The following SMIM31 variants were observed in gnomAD, a reference collection of about 807,000 sequenced individuals.
SMIM31 encodes the protein small integral membrane protein 31.
At chr4:164,796,281 G>T (rs1733194218) in intron 2 of SMIM31, among the ~76,000 whole-genome samples, 1 of 152,138 alleles carries the variant, frequency 6.6e-6, no homozygotes, top group South Asian at 2.1e-4. Flanking sequence ...TGCCGAAAAT[G>T]TTACTGCGGT....
chr4:164,767,559 C>T (rs1288525886), intron 1 of SMIM31, among the ~76,000 whole-genome samples: 3 of 152,204 alleles, frequency 2.0e-5, no homozygotes, highest in Non-Finnish European at 2.9e-5. Flanking sequence ...TACAGATACA[C>T]AACCCAGGAA....
At chr4:164,757,765 C>T (rs1206261420) in intron 1 of SMIM31, among the ~76,000 whole-genome samples, 1 of 152,024 alleles carries the variant, frequency 6.6e-6, no homozygotes, top group African/African-American at 2.4e-5. Flanking sequence ...TTATTTAGTG[C>T]TACTAATCTA....
chr4:164,773,420 C>T (rs1373615242), intron 2 of SMIM31, among the ~76,000 whole-genome samples: 1 of 152,196 alleles, frequency 6.6e-6, no homozygotes, highest in African/African-American at 2.4e-5. Flanking sequence ...CACAGTTCAG[C>T]ATGGCTGGGG....
At chr4:164,765,955 G>A (rs975527252) in intron 1 of SMIM31, among the ~76,000 whole-genome samples, 4 of 152,136 alleles carry the variant, frequency 2.6e-5, no homozygotes, top group Non-Finnish European at 4.4e-5. Flanking sequence ...ATCTACAATA[G>A]GAAGGAGACT....
intron 1 of SMIM31, among the ~76,000 whole-genome samples, chr4:164,768,822 A>C (rs1436333147): frequency 6.6e-6 from 1 of 152,202 alleles, no homozygotes; most frequent in East Asian, 1.9e-4. Flanking sequence ...GCTTTAGCAG[A>C]GTTAATAGTC....
intron 2 of SMIM31, among the ~76,000 whole-genome samples, chr4:164,799,798 G>C (rs898126206): frequency 6.6e-6 from 1 of 152,176 alleles, no homozygotes; most frequent in South Asian, 2.1e-4. Flanking sequence ...TGTATCCCAA[G>C]CATTTAAAAC....
chr4:164,789,572 T>C (rs940676637), intron 2 of SMIM31, among the ~76,000 whole-genome samples: 1 of 152,188 alleles, frequency 6.6e-6, no homozygotes, highest in Non-Finnish European at 1.5e-5. Flanking sequence ...AATTTAGCTT[T>C]TGGAATCTTG....
At chr4:164,783,345 G>A (rs909073647) in intron 2 of SMIM31, among the ~76,000 whole-genome samples, 1 of 151,562 alleles carries the variant, frequency 6.6e-6, no homozygotes, top group Non-Finnish European at 1.5e-5. Flanking sequence ...CCAACATGGT[G>A]AAACCCCATC....
At chr4:164,758,801 ATTTTTTTTTTTTTTTTTTTTTT>A (rs35632469) in intron 1 of SMIM31, among the ~76,000 whole-genome samples, 949 of 60,926 alleles carry the variant, frequency 0.016, 25 homozygotes, top group African/African-American at 0.06. Flanking sequence ...GCCCGGCCAA[ATTTTTTTTTTTTTTTTTTTTTT>A]TTTTTTTTTT....
intron 2 of SMIM31, among the ~76,000 whole-genome samples, chr4:164,786,223 G>A (rs1733023999): frequency 1.3e-5 from 2 of 152,250 alleles, no homozygotes; most frequent in South Asian, 2.1e-4. Flanking sequence ...TATTTGCTCA[G>A]TAAAACAATT....
chr4:164,772,581 T>TTTTATTTTA (rs1553965334), intron 2 of SMIM31, among the ~76,000 whole-genome samples: 3 of 74,608 alleles, frequency 4.0e-5, no homozygotes, highest in African/African-American at 1.2e-4. Flanking sequence ...TTTATTTTTA[T>TTTTATTTTA]TTTATTTTTT....
At chr4:164,798,858 C>T (rs1240412733) in intron 2 of SMIM31, among the ~76,000 whole-genome samples, 3 of 152,070 alleles carry the variant, frequency 2.0e-5, no homozygotes, top group African/African-American at 2.4e-5. Context: ...ACCATCCCCT[C>T]GGTGCTGTCC....
chr4:164,789,042 A>G, intron 2 of SMIM31, among the ~76,000 whole-genome samples: 1 of 142,686 alleles, frequency 7.0e-6, no homozygotes, highest in East Asian at 2.0e-4. Context: ...TTTGTGTGCA[A>G]GGCTAATGCT....
intron 2 of SMIM31, among the ~76,000 whole-genome samples, chr4:164,797,557 A>T (rs998386093): frequency 2.0e-5 from 3 of 147,826 alleles, no homozygotes; most frequent in African/African-American, 7.5e-5. Flanking sequence ...TCGGTCTCCC[A>T]GGTTCAAGCG....
chr4:164,764,327 G>A (rs920543546), intron 1 of SMIM31, among the ~76,000 whole-genome samples: 1 of 151,980 alleles, frequency 6.6e-6, no homozygotes, highest in African/African-American at 2.4e-5. Flanking sequence ...TCAGCACTTT[G>A]GGAGGCCGAG....
chr4:164,756,860 C>G (rs938018161), intron 1 of SMIM31, among the ~76,000 whole-genome samples: 1 of 152,150 alleles, frequency 6.6e-6, no homozygotes, highest in African/African-American at 2.4e-5. Context: ...TTGTCCAATT[C>G]TTGGCTAGTA....
chr4:164,798,077 A>G lies in SMIM31; in HGVS notation c.113-3014A>G, dbSNP rs116482955. 4.6e-3 allele frequency among the ~76,000 whole-genome samples: 693 copies of G among 152,184 alleles called. 6 individuals are homozygous for G. Among genetic ancestry groups the G allele is most frequent in the African/African-American group, 0.016 (646 of 41,514 alleles). The stretch of plus-strand genomic sequence containing the variant: ...AAAAGACATGATTTCATTCTTTTTT[A>G]TGGGCTAAGTAATCCATGGTGTATA... On this transcript the variant is annotated intron_variant, in intron 2 of 2. Coordinates refer to ENST00000507311, the MANE Select transcript of SMIM31 (RefSeq NM_001352885.1).
At chr4:164,788,552 C>A (rs1252338155) in intron 2 of SMIM31, among the ~76,000 whole-genome samples, 12 of 123,816 alleles carry the variant, frequency 9.7e-5, no homozygotes, top group African/African-American at 3.8e-4. Context: ...TGCAATGGCG[C>A]AATCTCGGCT....
intron 2 of SMIM31, among the ~76,000 whole-genome samples, chr4:164,794,923 C>G (rs1421552665): frequency 1.3e-5 from 2 of 151,384 alleles, no homozygotes; most frequent in African/African-American, 4.8e-5. Flanking sequence ...TTTTTTTAAT[C>G]TGGAAATATA....
Sources: gnomAD v4.1 joint callset for allele counts (sites outside exome capture counted in the v4.1 genomes callset) on GRCh38, gnomAD v4.1.1 for gene constraint, MANE v1.5 for transcripts, NCBI Gene and HGNC (gene_info 2026-07-23, HGNC 2026-07-21) for gene names.